The following ESR1 variants were observed in gnomAD, a reference collection of about 807,000 sequenced individuals.
ESR1 encodes the protein estrogen receptor 1.
Under a neutral mutation model 52.7 loss-of-function variants are expected in ESR1, and 12 were observed. That is an observed-to-expected ratio of 0.23 (90% CI 0.15 to 0.37). The LOEUF (loss-of-function observed/expected upper bound fraction) is 0.37. Among genes scored for constraint, ESR1 ranks in the 10% least tolerant of loss-of-function variants. ESR1 has a pLI of 1.00. For synonymous variants in ESR1, 305 were observed against 316.8 expected (o/e 0.96, Z 0.39); for missense variants, 584 against 779.7 (o/e 0.75, Z 2.99).
chr6:152,105,728 T>C (rs7754600), downstream of ESR1, among the ~76,000 whole-genome samples: 1,144 of 151,648 alleles, frequency 7.5e-3, 20 homozygotes, highest in African/African-American at 0.026. Context: ...GCCCAGCCAA[T>C]TTAATTATTT....
intron 3 of ESR1, among the ~76,000 whole-genome samples, chr6:151,934,280 C>T (rs1024880035): frequency 1.3e-5 from 2 of 152,172 alleles, no homozygotes; most frequent in Non-Finnish European, 2.9e-5. Flanking sequence ...CACCTGCTTT[C>T]CACTTTGTTT....
intron 2 of ESR1, among the ~76,000 whole-genome samples, chr6:151,743,141 C>T (rs1478696075): frequency 4.6e-5 from 7 of 151,950 alleles, no homozygotes; most frequent in African/African-American, 1.2e-4. Flanking sequence ...GGACTGGGAT[C>T]GCAGGCCAGG....
At chr6:151,798,075 G>A (rs1042482652) in intron 2 of ESR1, among the ~76,000 whole-genome samples, 6 of 152,168 alleles carry the variant, frequency 3.9e-5, no homozygotes, top group Admixed American at 2.6e-4. Context: ...GTACACTGCC[G>A]AAAGCGAGGC....
Position 152,021,194 on chromosome 6 carries a change from G to A in ESR1, c.1235+9400G>A, listed in dbSNP as rs965914890. ...GGGCACGATCTAGTCAGCTGCCAGC[G>A]AATATAAGGCAGGCAGAAAAACGTG... On this transcript the variant is annotated intron_variant, in intron 5 of 7. Transcript: ENST00000206249. Among the ~76,000 whole-genome samples the A allele has an allele frequency of 7.2e-5, 11 of 152,228 alleles. No individual in the cohort carries two copies. In the East Asian group the frequency reaches 1.4e-3, roughly 19 times the overall value.
chr6:151,825,416 AAT>A (rs2128201787), intron 1 of ESR1, among the ~76,000 whole-genome samples: 2 of 152,310 alleles, frequency 1.3e-5, no homozygotes, highest in East Asian at 3.9e-4. Flanking sequence ...AAATTATTGG[AAT>A]ATAGGTCAGA....
chr6:151,987,690 G>C (rs75460696), intron 4 of ESR1, among the ~76,000 whole-genome samples: 1 of 152,004 alleles, frequency 6.6e-6, no homozygotes, highest in South Asian at 2.1e-4. Flanking sequence ...GATTACAAGC[G>C]TAAGCCACCA....
At chr6:152,117,051 A>C (rs1192252010) in intron 6 of ESR1, among the ~76,000 whole-genome samples, 1 of 152,152 alleles carries the variant, frequency 6.6e-6, no homozygotes, top group Non-Finnish European at 1.5e-5. Context: ...CTAGGGCTGA[A>C]TGTGGTGCAT....
At chr6:151,920,068 T>G (rs1348416589) in intron 3 of ESR1, among the ~76,000 whole-genome samples, 1 of 152,220 alleles carries the variant, frequency 6.6e-6, no homozygotes, top group African/African-American at 2.4e-5. Flanking sequence ...ATTTATAGGC[T>G]GGTTCTTCTG....
At chr6:152,034,336 GC>G (rs1466733930) in intron 5 of ESR1, among the ~76,000 whole-genome samples, 1 of 146,636 alleles carries the variant, frequency 6.8e-6, no homozygotes, top group Non-Finnish European at 1.5e-5. Context: ...TGGCTGCATT[GC>G]TTTGATTTTC....
chr6:152,049,266 C>A (rs2128922054), intron 5 of ESR1, among the ~76,000 whole-genome samples: 1 of 152,330 alleles, frequency 6.6e-6, no homozygotes. Flanking sequence ...AACCTCCTTT[C>A]TTACCACTTT....
chr6:152,010,689 A>C (rs2042690722), intron 4 of ESR1, among the ~76,000 whole-genome samples: 1 of 152,154 alleles, frequency 6.6e-6, no homozygotes, highest in South Asian at 2.1e-4. Flanking sequence ...ATTGTGGTCA[A>C]GGGCACAGGT....
intron 2 of ESR1, among the ~76,000 whole-genome samples, chr6:151,868,210 C>A (rs1350129686): frequency 6.6e-6 from 1 of 152,118 alleles, no homozygotes; most frequent in Non-Finnish European, 1.5e-5. Context: ...TCAATGCAAC[C>A]TCCGCCTCCC....
chr6:151,735,879 C>A (rs901885071), intron 2 of ESR1, among the ~76,000 whole-genome samples: 12 of 152,102 alleles, frequency 7.9e-5, no homozygotes, highest in Non-Finnish European at 1.8e-4. Flanking sequence ...ATGCTGTTGT[C>A]ATAATAGTGA....
At chr6:152,035,887 C>T (rs1318855627) in intron 5 of ESR1, among the ~76,000 whole-genome samples, 1 of 152,124 alleles carries the variant, frequency 6.6e-6, no homozygotes, top group Non-Finnish European at 1.5e-5. Flanking sequence ...TCCTTCTTTA[C>T]TCTATGTAAA....
chr6:151,840,657 C>G (rs561317058), intron 1 of ESR1, among the ~76,000 whole-genome samples: 27 of 152,262 alleles, frequency 1.8e-4, no homozygotes, highest in East Asian at 1.9e-4. Context: ...CAGTGAAAGT[C>G]AGTGTGGTTC....
rs932104943 is a variant in ESR1, at chr6:152,084,705, A to G, written c.1370-9680A>G. On this transcript the variant is annotated intron_variant, in intron 6 of 7. Coordinates refer to ENST00000206249, the MANE Select transcript of ESR1 (RefSeq NM_000125.4). ...TATAAGGTTCACAGGCTTTTAATTGAAAAAAAAAAAAAAACAGTTATTCAA... is the reference window on the plus strand; with the variant it reads ...TATAAGGTTCACAGGCTTTTAATTGGAAAAAAAAAAAAAACAGTTATTCAA... Among the ~76,000 whole-genome samples, 6 of 71,854 alleles carry G rather than the reference A, an allele frequency of 8.4e-5. No individual in the cohort carries two copies. The East Asian group carries it at 3.2e-3, about 38-fold the overall frequency. The allele number at this position is 71,854 out of a possible 152,430, so 47.1% of individuals were successfully genotyped here.
intron 2 of ESR1, among the ~76,000 whole-genome samples, chr6:151,715,398 G>T (rs1780951285): frequency 6.6e-6 from 1 of 152,138 alleles, no homozygotes; most frequent in Non-Finnish European, 1.5e-5. Context: ...GCTAGGTTGG[G>T]GAAGTTCTCC....
At chr6:151,770,068 C>T (rs1785390088) in intron 2 of ESR1, among the ~76,000 whole-genome samples, 2 of 150,682 alleles carry the variant, frequency 1.3e-5, no homozygotes, top group South Asian at 4.2e-4. Flanking sequence ...GAGGAGAACT[C>T]AAGTTATATT....
In ESR1 at chr6:151,842,622, G is replaced by C. The variant is rs149308960; in HGVS notation, c.478G>C (p.Gly160Arg). The C allele has an allele frequency of 1.9e-6, 3 of 1,613,562 alleles. No homozygotes were observed. Among genetic ancestry groups the C allele is most frequent in the Non-Finnish European group, 1.7e-6 (2 of 1,179,876 alleles). The change falls in exon 2 of 8, where the codon GGT (glycine) becomes CGT (arginine). Residue 160 changes from glycine to arginine, a missense_variant. Gly to Arg is a moderately radical substitution (Grantham distance 125). Transcript: ENST00000206249. Reference protein sequence around the residue: ...YRPNSDNRRQGGRERLASTND... With the variant: ...YRPNSDNRRQRGRERLASTND... ...GCCAAATTCAGATAATCGACGCCAG[G>C]GTGGCAGAGAAAGATTGGCCAGTAC...
Sources: allele counts gnomAD v4.1 joint callset (sites outside exome capture counted in the v4.1 genomes callset), GRCh38; gene constraint gnomAD v4.1.1; transcripts MANE v1.5; gene names NCBI Gene and HGNC (gene_info 2026-07-23, HGNC 2026-07-21).